The following NFATC3 variants were observed in gnomAD, a reference collection of about 807,000 sequenced individuals.
The protein encoded by NFATC3 is nuclear factor of activated T-cells, cytoplasmic 3.
A neutral mutation model predicts 98.6 loss-of-function variants in NFATC3; 46 were observed. The observed-to-expected ratio is 0.47, with a 90% CI of 0.37 to 0.60. The LOEUF (loss-of-function observed/expected upper bound fraction) is 0.60, where lower values mean the gene tolerates loss of function less well. NFATC3 is among the 20% of genes least tolerant of loss of function. NFATC3 has a pLI of 0.00. For synonymous variants in NFATC3, 512 were observed against 472.2 expected, an observed-to-expected ratio of 1.08 and a Z score of -1.09; for missense variants, 1,256 against 1,295.5, an observed-to-expected ratio of 0.97 and a Z score of 0.47.
intron 6 of NFATC3, 33 bp from the exon 7 acceptor site, chr16:68,181,442 T>C (rs371513075): frequency 2.3e-5 from 35 of 1,530,496 alleles, no homozygotes; most frequent in Non-Finnish European, 3.1e-5. Context: ...CTGATATGAA[T>C]TGCTTTTAAC....
At position 68,190,948 on chromosome 16, in the gene NFATC3, C is replaced by A; in HGVS notation, c.2279C>A (p.Thr760Asn). 5.6e-6 allele frequency: 9 copies of A among 1,614,142 alleles called. No homozygotes were observed. The highest frequency in any genetic ancestry group is 7.6e-6 in the Non-Finnish European group (9 of 1,180,028). Reference sequence around the variant, plus strand: ...CCACAAACATATGCATCCATGGTGACCTCATCCCATCTGCCACAGTTGCAG... The same window carrying A: ...CCACAAACATATGCATCCATGGTGAACTCATCCCATCTGCCACAGTTGCAG... ...SIPQTYASMVTSSHLPQLQCR... is the reference protein window; with the variant it reads ...SIPQTYASMVNSSHLPQLQCR... Residue 760 changes from threonine (T) to asparagine (N), a missense_variant, in exon 9 of 10, where the codon ACC (threonine) becomes AAC (asparagine). This residue lies in a region of NFATC3 where 636 missense variants were observed against 617.3 expected (regional missense o/e 1.03). Transcript: ENST00000346183.
At chr16:68,144,569 T>G (rs2037933867) in intron 3 of NFATC3, among the ~76,000 whole-genome samples, 1 of 152,194 alleles carries the variant, frequency 6.6e-6, no homozygotes, top group African/African-American at 2.4e-5. Flanking sequence ...GGTCTTGAAC[T>G]CCTGAGCTCA....
intron 4 of NFATC3, 50 bp from the exon 5 acceptor site, chr16:68,166,793 T>C: frequency 6.9e-7 from 1 of 1,439,986 alleles, no homozygotes; most frequent in Non-Finnish European, 9.4e-7. Flanking sequence ...GAGTTGTTTA[T>C]AACCATGATT....
At position 68,185,412 on chromosome 16, in the gene NFATC3, G is replaced by A. The variant is rs558049031; in HGVS notation, c.2098+2046G>A. Among the ~76,000 whole-genome samples the A allele has an allele frequency of 1.3e-4, 20 of 152,242 alleles. No homozygotes were observed. The East Asian group carries it at 3.5e-3, about 26-fold the overall frequency. ...GTAAGGTATGCATCTCCTCCAGAAT[G>A]GGGTATGTCCTGTCCAAAGAGGTTA... On this transcript the variant is annotated intron_variant, in intron 8 of 9. Transcript: ENST00000346183.
chr16:68,222,569 C>T (rs954571597), intron 9 of NFATC3, among the ~76,000 whole-genome samples: 2 of 152,162 alleles, frequency 1.3e-5, no homozygotes, highest in African/African-American at 2.4e-5. Flanking sequence ...ACTGCTGTAA[C>T]GCCTGCCTAA....
At chr16:68,172,421 T>C (rs2039508219) in intron 5 of NFATC3, among the ~76,000 whole-genome samples, 1 of 152,208 alleles carries the variant, frequency 6.6e-6, no homozygotes, top group African/African-American at 2.4e-5. Context: ...TTTTAAAATT[T>C]GTTTTAATTC....
intron 3 of NFATC3, among the ~76,000 whole-genome samples, chr16:68,135,715 T>A (rs1011016157): frequency 3.3e-5 from 5 of 152,270 alleles, no homozygotes; most frequent in Middle Eastern, 3.4e-3. Flanking sequence ...TGAATTTTTT[T>A]AGATGATTTA....
chr16:68,201,567 G>A (rs894830373), intron 9 of NFATC3, among the ~76,000 whole-genome samples: 8 of 151,500 alleles, frequency 5.3e-5, no homozygotes, highest in African/African-American at 1.7e-4. Flanking sequence ...CACTGTGCCC[G>A]TTTGTCAAGC....
intron 4 of NFATC3, among the ~76,000 whole-genome samples, chr16:68,165,634 G>C (rs184801643): frequency 1.9e-3 from 294 of 152,204 alleles, no homozygotes; most frequent in African/African-American, 6.4e-3. Flanking sequence ...GACCTCAGGT[G>C]ATCCACTCAC....
intron 1 of NFATC3, among the ~76,000 whole-genome samples, chr16:68,113,965 A>T (rs940467101): frequency 2.0e-5 from 3 of 152,118 alleles, no homozygotes; most frequent in African/African-American, 7.2e-5. Context: ...AGTGATGGCG[A>T]CTGCCCCTTT....
intron 9 of NFATC3, among the ~76,000 whole-genome samples, chr16:68,205,542 T>G (rs2041111563): frequency 2.6e-5 from 4 of 152,210 alleles, no homozygotes; most frequent in Admixed American, 1.3e-4. Flanking sequence ...ATAATCATTT[T>G]TTGAACAAGT....
At chr16:68,192,230 A>AAAAAAAAAAAAAAATATATAT (rs1555522047) in intron 9 of NFATC3, 1 of 82,600 alleles carries the variant, frequency 1.2e-5, no homozygotes, top group African/African-American at 5.7e-5. Context: ...AAAAAAAAAA[A>AAAAAAAAAAAAAAATATATAT]ATATATATAT....
At chr16:68,113,048 G>A (rs2036066977) in intron 1 of NFATC3, among the ~76,000 whole-genome samples, 1 of 152,080 alleles carries the variant, frequency 6.6e-6, no homozygotes, top group African/African-American at 2.4e-5. Flanking sequence ...CTTTAGCTCA[G>A]CGAAGTTTGT....
At chr16:68,152,144 C>G (rs1238592303) in intron 3 of NFATC3, among the ~76,000 whole-genome samples, 1 of 148,558 alleles carries the variant, frequency 6.7e-6, no homozygotes, top group African/African-American at 2.5e-5. Flanking sequence ...GGACGGATCA[C>G]TTGAGGTCAG....
At chr16:68,127,687 CA>C (rs201633690) in intron 3 of NFATC3, among the ~76,000 whole-genome samples, 379 of 85,554 alleles carry the variant, frequency 4.4e-3, no homozygotes, top group Non-Finnish European at 4.4e-3. Flanking sequence ...GACCCTGTCT[CA>C]AAAAAAAAAA....
At position 68,144,877 on chromosome 16, in the gene NFATC3, G is replaced by A. The variant is rs114364356; in HGVS notation, c.1402-12992G>A. On this transcript the variant is annotated intron_variant, in intron 3 of 9. Coordinates refer to ENST00000346183, the MANE Select transcript of NFATC3 (RefSeq NM_173165.3). The stretch of plus-strand genomic sequence containing the variant: ...TTCAACATGTTGGCCAGGCTGGTCC[G>A]GAACTCTTGACCTCAGGTGATCCAC... Among the ~76,000 whole-genome samples, 1,055 of 151,948 alleles carry A rather than the reference G, an allele frequency of 6.9e-3. 17 individuals carry two copies. Among genetic ancestry groups the A allele is most frequent in the African/African-American group, 0.024 (982 of 41,438 alleles).
chr16:68,176,738 A>G (rs1360002670), intron 6 of NFATC3, among the ~76,000 whole-genome samples: 2 of 152,096 alleles, frequency 1.3e-5, no homozygotes, highest in East Asian at 3.9e-4. Flanking sequence ...TCTCCATTGG[A>G]TCATTTTTCA....
At position 68,085,517 on chromosome 16, in the gene NFATC3, A is replaced by G. The variant is rs1233367147; in HGVS notation, c.-165A>G. On this transcript the variant is annotated 5_prime_UTR_variant, in exon 1 of 10. Coordinates refer to ENST00000346183, the MANE Select transcript of NFATC3 (RefSeq NM_173165.3). ...GCTCGGCGCGCGGCCAGCTTTCGGA[A>G]CGGAACGCTCGGCGTCGCGGGCCCC... The G allele has an allele frequency of 7.1e-6, 4 of 566,272 alleles. No homozygotes were observed. The highest frequency in any genetic ancestry group is 1.2e-5 in the Non-Finnish European group (4 of 345,792). 35.1% of individuals were successfully genotyped at this position (566,272 alleles called of 1,614,324 possible).
intron 1 of NFATC3, among the ~76,000 whole-genome samples, chr16:68,104,257 A>G (rs1376090763): frequency 6.6e-6 from 1 of 152,176 alleles, no homozygotes; most frequent in Non-Finnish European, 1.5e-5. Flanking sequence ...CCTTGGTTAA[A>G]TTTATTCCTG....
Sources: gnomAD v4.1 joint callset for allele counts (sites outside exome capture counted in the v4.1 genomes callset) on GRCh38, gnomAD v4.1.1 for gene constraint, gnomAD v4.1.1 regional missense constraint, MANE v1.5 for transcripts, NCBI Gene and HGNC (gene_info 2026-07-23, HGNC 2026-07-21) for gene names.